SUMF1: variants seen among roughly 807,000 people sequenced by gnomAD.
The protein encoded by SUMF1 is formylglycine-generating enzyme.
Under a neutral mutation model 47.6 loss-of-function variants are expected in SUMF1, and 48 were observed. The ratio of observed to expected loss-of-function variants is 1.01; its 90% CI spans 0.80 to 1.28. SUMF1 has a LOEUF of 1.28. Among genes scored for constraint, SUMF1 ranks in the 50% most tolerant of loss-of-function variants. SUMF1 has a pLI of 0.00. For synonymous variants in SUMF1, 230 were observed against 192.1 expected, an observed-to-expected ratio of 1.20 and a Z score of -1.63; for missense variants, 571 against 485.4, an observed-to-expected ratio of 1.18 and a Z score of -1.66.
In SUMF1 at chr3:4,452,980, C is replaced by T. The variant is rs368246977; in HGVS notation, c.340G>A (p.Ala114Thr). Residue 114 changes from alanine to threonine, a missense_variant, in exon 2 of 9, where the codon GCA becomes ACA. Physicochemically the swap from Ala to Thr is moderately conservative, Grantham distance 58. Coordinates refer to ENST00000272902, the MANE Select transcript of SUMF1 (RefSeq NM_182760.4). ...TCAATAGTAACTCTCCTCGCAGGTG[C>T]TTCCCCATCCTGCTTTATCTGAGGA... ...DDPQIKQDGE[A>T]PARRVTIDAF... The T allele has an allele frequency of 8.1e-6, 13 of 1,614,144 alleles. No individual in the cohort carries two copies. Among genetic ancestry groups the T allele is most frequent in the Non-Finnish European group, 9.3e-6 (11 of 1,180,032 alleles).
In SUMF1 at chr3:4,396,992, G is replaced by A. The variant is rs140128107; in HGVS notation, c.954+13873C>T. Among the ~76,000 whole-genome samples, 33 of 152,270 alleles carry A rather than the reference G, an allele frequency of 2.2e-4. No individual in the cohort carries two copies. In the East Asian group the frequency reaches 6.0e-3, roughly 28 times the overall value. ...AAAACACATATCACATTAGATTTCT[G>A]CAACAAAGAAGAAACTTTCTCATCA... On this transcript the variant is annotated intron_variant, in intron 7 of 8. Transcript: ENST00000272902.
intron 7 of SUMF1, among the ~76,000 whole-genome samples, chr3:4,402,597 C>G: frequency 6.6e-6 from 1 of 152,270 alleles, no homozygotes; most frequent in South Asian, 2.1e-4. Flanking sequence ...CTGTCCCATT[C>G]ATACTATATC....
chr3:4,096,866 T>A (rs773338538), intron 8 of SUMF1, among the ~76,000 whole-genome samples: 5 of 152,078 alleles, frequency 3.3e-5, no homozygotes, highest in Non-Finnish European at 5.9e-5. Flanking sequence ...AGTCCTGTTA[T>A]GCAGGAGAAC....
chr3:4,224,555 T>C (rs1272962579), intron 8 of SUMF1, among the ~76,000 whole-genome samples: 1 of 151,920 alleles, frequency 6.6e-6, no homozygotes, highest in Non-Finnish European at 1.5e-5. Flanking sequence ...CTACTCAAAA[T>C]AGTTCACAAC....
intron 8 of SUMF1, among the ~76,000 whole-genome samples, chr3:4,288,402 T>G (rs1000313104): frequency 6.6e-6 from 1 of 152,194 alleles, no homozygotes; most frequent in African/African-American, 2.4e-5. Context: ...TTTGGATAGA[T>G]GTAAAAGCAT....
rs145812042 is a variant in SUMF1, at chr3:4,250,193, G to A, written c.1014+126137C>T. Among the ~76,000 whole-genome samples the A allele has an allele frequency of 9.1e-4, 138 of 150,966 alleles. 1 individual carries two copies. The highest frequency in any genetic ancestry group is 5.4e-3 in the Admixed American group (81 of 15,112). ...ACAAGAAACGGAGGGGGAAGGGGGA[G>A]GGAGTGAAGGGAGAGAAAAGAAAGG... On this transcript the variant is annotated intron_variant and NMD_transcript_variant, in intron 8 of 12. Coordinates refer to the SUMF1 transcript ENST00000448413.
At chr3:4,056,860 G>C (rs909115648) in intron 9 of SUMF1, among the ~76,000 whole-genome samples, 1 of 151,952 alleles carries the variant, frequency 6.6e-6, no homozygotes, top group Non-Finnish European at 1.5e-5. Flanking sequence ...TCCTGCCTCA[G>C]TCTCCTGAGT....
intron 8 of SUMF1, among the ~76,000 whole-genome samples, chr3:4,071,250 T>A (rs1418384725): frequency 2.0e-5 from 3 of 151,924 alleles, no homozygotes; most frequent in Non-Finnish European, 2.9e-5. Context: ...GACAGGTGAT[T>A]TCTGCATTTC....
intron 8 of SUMF1, among the ~76,000 whole-genome samples, chr3:4,182,303 G>C (rs59538207): frequency 0.12 from 18,412 of 151,362 alleles, 1,243 homozygotes; most frequent in East Asian, 0.18. Flanking sequence ...AAGCCCCTAG[G>C]TTATTCTATT....
At chr3:4,170,409 T>C (rs1217421250) in intron 8 of SUMF1, among the ~76,000 whole-genome samples, 1 of 152,136 alleles carries the variant, frequency 6.6e-6, no homozygotes, top group Non-Finnish European at 1.5e-5. Flanking sequence ...TTCTAACAAG[T>C]TCCAATGGCC....
intron 8 of SUMF1, among the ~76,000 whole-genome samples, chr3:4,199,228 A>G (rs1695491816): frequency 6.6e-6 from 1 of 152,176 alleles, no homozygotes; most frequent in African/African-American, 2.4e-5. Context: ...GAAATTTTAT[A>G]TAAATGGAAT....
Position 4,243,131 on chromosome 3 carries a change from C to T in SUMF1, c.1014+133199G>A, listed in dbSNP as rs141099572. Among the ~76,000 whole-genome samples the T allele has an allele frequency of 1.4e-4, 21 of 152,094 alleles. No homozygotes were observed. The East Asian group carries it at 2.9e-3, about 21-fold the overall frequency. On this transcript the variant is annotated intron_variant and NMD_transcript_variant, in intron 8 of 12. Coordinates refer to the SUMF1 transcript ENST00000448413. Reference sequence around the variant, plus strand: ...ATATGCCGTTTATCATTTTTTATTGCGTCTATTTGATTCTTCCCTCTTTTG... The same window carrying T: ...ATATGCCGTTTATCATTTTTTATTGTGTCTATTTGATTCTTCCCTCTTTTG...
At chr3:4,110,656 T>C (rs1574892324) in intron 8 of SUMF1, among the ~76,000 whole-genome samples, 1 of 151,826 alleles carries the variant, frequency 6.6e-6, no homozygotes. Context: ...TGGAATACTA[T>C]GCAGCCATAA....
At chr3:4,175,137 G>A (rs1036594208) in intron 8 of SUMF1, among the ~76,000 whole-genome samples, 1 of 152,206 alleles carries the variant, frequency 6.6e-6, no homozygotes, top group Non-Finnish European at 1.5e-5. Context: ...GACAACTTCT[G>A]CAGATTTAAA....
At chr3:4,065,919 GA>G (rs1695365017) in intron 9 of SUMF1, among the ~76,000 whole-genome samples, 1 of 152,028 alleles carries the variant, frequency 6.6e-6, no homozygotes, top group Non-Finnish European at 1.5e-5. Context: ...TATGACAGGG[GA>G]AAAAATGAGG....
intron 8 of SUMF1, among the ~76,000 whole-genome samples, chr3:4,371,549 G>A (rs563624233): frequency 1.6e-4 from 24 of 152,290 alleles, no homozygotes; most frequent in African/African-American, 4.8e-4. Flanking sequence ...TCAATTTCCC[G>A]TCCGTTGCTC....
At chr3:4,341,234 T>TA (rs200353993) in intron 8 of SUMF1, among the ~76,000 whole-genome samples, 50 of 147,406 alleles carry the variant, frequency 3.4e-4, no homozygotes, top group East Asian at 5.9e-4. Context: ...ATGACAACAT[T>TA]AAAAAAAAAG....
chr3:4,449,348 G>A lies in SUMF1; in HGVS notation c.445-8C>T, dbSNP rs1293474854. On this transcript the variant is annotated splice_region_variant and splice_polypyrimidine_tract_variant and intron_variant, in intron 2 of 8. Transcript: ENST00000272902. ...GTCGCCAAACTTCTCAGCCTATAAG[G>A]AAGGTAGGAAATAAAAATCCAGAAA... The A allele has an allele frequency of 2.5e-6, 4 of 1,613,914 alleles. No homozygotes were observed. The East Asian group carries it at 6.7e-5, about 27-fold the overall frequency.
chr3:4,278,109 G>A (rs971459303), intron 8 of SUMF1, among the ~76,000 whole-genome samples: 8 of 151,840 alleles, frequency 5.3e-5, no homozygotes, highest in African/African-American at 1.9e-4. Flanking sequence ...TGATATTTTT[G>A]GCACGTTTAT....
Sources: allele counts gnomAD v4.1 joint callset (sites outside exome capture counted in the v4.1 genomes callset), GRCh38; gene constraint gnomAD v4.1.1; transcripts MANE v1.5; gene names NCBI Gene and HGNC (gene_info 2026-07-23, HGNC 2026-07-21).